Variants in CDR2L observed in about 807,000 individuals in gnomAD.
CDR2L encodes the protein cerebellar degeneration-related protein 2-like.
Under a neutral mutation model 36.1 loss-of-function variants are expected in CDR2L, and 19 were observed. That is an observed-to-expected ratio of 0.53 (90% CI 0.37 to 0.77). CDR2L has a LOEUF of 0.77. CDR2L is among the 30% of genes least tolerant of loss of function. The pLI is 0.00. For missense variants in CDR2L, 575 were observed against 627.2 expected, an observed-to-expected ratio of 0.92 and a Z score of 0.89; for synonymous variants, 285 against 280.4, an observed-to-expected ratio of 1.02 and a Z score of -0.16.
chr17:74,987,945 G>A lies in CDR2L; in HGVS notation c.-99G>A. ...CGCGGGCTCTGTAGCCCGAGTTCCCGACGCTGGAGGCCCGGCCCGCCTCAG... is the reference window on the plus strand; with the variant it reads ...CGCGGGCTCTGTAGCCCGAGTTCCCAACGCTGGAGGCCCGGCCCGCCTCAG... On this transcript the variant is annotated 5_prime_UTR_variant, in exon 1 of 5. Coordinates refer to ENST00000337231, the MANE Select transcript of CDR2L (RefSeq NM_014603.3). 3.6e-6 allele frequency: 2 copies of A among 558,184 alleles called. No homozygotes were observed. The allele number at this position is 558,184 out of a possible 1,614,324, so 34.6% of individuals were successfully genotyped here.
rs748752852 is a variant in CDR2L at position 75,003,774 on chromosome 17, G to T, written c.1098G>T (p.Lys366Asn). Residue 366 changes from lysine (K) to asparagine (N), a missense_variant, in exon 5 of 5, where the codon AAG becomes AAT. Physicochemically the swap from Lys to Asn is moderately conservative, Grantham distance 94. Coordinates refer to ENST00000337231, the MANE Select transcript of CDR2L (RefSeq NM_014603.3). ...AGCAGTACCACGCGCTGCTGGAGAA[G>T]TACGAGGAGCTGCTGAGCAAGTGCC... is the stretch of plus-strand genomic sequence containing the variant. Reference protein sequence around the residue: ...VDEQYHALLEKYEELLSKCRQ... With the variant: ...VDEQYHALLENYEELLSKCRQ... 1.3e-6 allele frequency: 2 copies of T among 1,516,616 alleles called. No individual in the cohort carries two copies. The highest frequency in any genetic ancestry group is 2.6e-5 in the South Asian group (2 of 77,844). The allele number at this position is 1,516,616 out of a possible 1,614,324, so 93.9% of individuals were successfully genotyped here. A position where few individuals can be genotyped will look rare whatever the true frequency, so the allele number is the denominator to read the frequency against.
intron 1 of CDR2L, among the ~76,000 whole-genome samples, chr17:74,992,970 C>T (rs1171425897): frequency 6.6e-6 from 1 of 152,198 alleles, no homozygotes; most frequent in Non-Finnish European, 1.5e-5. Flanking sequence ...GCTGCAGGGG[C>T]TCCATGAAGG....
At chr17:74,996,124 A>G (rs1398446297) in intron 1 of CDR2L, among the ~76,000 whole-genome samples, 1 of 151,698 alleles carries the variant, frequency 6.6e-6, no homozygotes, top group African/African-American at 2.4e-5. Flanking sequence ...ATTTTAGAAT[A>G]TTTTTATCAC....
At chr17:75,000,732 G>A (rs1275526754) in intron 2 of CDR2L, among the ~76,000 whole-genome samples, 2 of 150,864 alleles carry the variant, frequency 1.3e-5, no homozygotes, top group Non-Finnish European at 3.0e-5. Context: ...GGCTAACACG[G>A]TGAAACCCCA....
intron 1 of CDR2L, among the ~76,000 whole-genome samples, chr17:74,998,235 AC>A (rs1248856116): frequency 6.6e-6 from 1 of 152,074 alleles, no homozygotes; most frequent in Non-Finnish European, 1.5e-5. Context: ...CAAAAAAAAA[AC>A]ATTGTACTAT....
Position 75,003,423 on chromosome 17 carries a change from C to A in CDR2L, c.747C>A (p.Ala249=), listed in dbSNP as rs1432678129. Residue 249 remains alanine (A), a synonymous_variant, in exon 5 of 5, where the codon GCC becomes GCA. Coordinates refer to ENST00000337231, the MANE Select transcript of CDR2L (RefSeq NM_014603.3). ...ACRLRVQELE[A]ELLELQQMKQ... ...GCCTGCGTGTGCAGGAGCTGGAGGC[C>A]GAGCTGCTGGAGCTGCAGCAGATGA... 2 of 1,575,172 alleles carry A rather than the reference C, an allele frequency of 1.3e-6. No individual in the cohort carries two copies. Among genetic ancestry groups the A allele is most frequent in the African/African-American group, 2.7e-5 (2 of 73,924 alleles).
At chr17:74,998,176 G>A (rs946534309) in intron 1 of CDR2L, among the ~76,000 whole-genome samples, 5 of 151,970 alleles carry the variant, frequency 3.3e-5, no homozygotes, top group African/African-American at 1.2e-4. Context: ...AGTGAGCCAA[G>A]ATCGCGCCAC....
intron 1 of CDR2L, among the ~76,000 whole-genome samples, chr17:74,988,334 G>C (rs756649641): frequency 1.5e-4 from 23 of 152,160 alleles, no homozygotes; most frequent in African/African-American, 4.8e-4. Context: ...CTGCAAAAGT[G>C]GGGGGCGGGG....
intron 2 of CDR2L, 42 bp downstream of exon 2, chr17:74,999,658 C>G: frequency 7.8e-7 from 1 of 1,281,040 alleles, no homozygotes; most frequent in Non-Finnish European, 1.1e-6. Flanking sequence ...CTCGAGGGCC[C>G]CTTGGCCTGT....
At chr17:75,001,100 G>A (rs971213765) in intron 2 of CDR2L, among the ~76,000 whole-genome samples, 1 of 151,844 alleles carries the variant, frequency 6.6e-6, no homozygotes, top group Non-Finnish European at 1.5e-5. Flanking sequence ...CAGGCATGGT[G>A]GCAGGCACCT....
Position 75,005,306 on chromosome 17 carries a change from G to C in CDR2L, c.*1232G>C, listed in dbSNP as rs564837689. ...TAAGAGACACCCAGGTCCCCAGCTT[G>C]CCCTGAGCAGCCCTTCAGGGCTTCT... On this transcript the variant is annotated 3_prime_UTR_variant, in exon 5 of 5. Transcript: ENST00000337231. This position sits in a 1 kb window ranked among gnomAD's most constrained non-coding sequence, Gnocchi z 4.2. 1 of 152,718 alleles carries C rather than the reference G, an allele frequency of 6.5e-6. No homozygotes were observed. The highest frequency in any genetic ancestry group is 2.4e-5 in the African/African-American group (1 of 41,558). 9.5% of individuals were successfully genotyped at this position (152,718 alleles called of 1,614,324 possible).
chr17:74,988,713 C>G (rs1041911609), intron 1 of CDR2L, among the ~76,000 whole-genome samples: 1 of 152,172 alleles, frequency 6.6e-6, no homozygotes, highest in Non-Finnish European at 1.5e-5. Context: ...AGTCGCTTAG[C>G]CCTCCCCTGC....
chr17:75,001,518 G>A (rs750996964), intron 3 of CDR2L, 29 bp downstream of exon 3: 53 of 1,498,128 alleles, frequency 3.5e-5, no homozygotes, highest in East Asian at 2.0e-4. Flanking sequence ...GCTGGGGGGC[G>A]GGCGAGGGAG....
Position 75,002,156 on chromosome 17 carries a change from T to G in CDR2L, c.434T>G (p.Leu145Arg), listed in dbSNP as rs770704142. 2.5e-6 allele frequency: 4 copies of G among 1,607,374 alleles called. No individual in the cohort carries two copies. The East Asian group carries it at 6.7e-5, about 27-fold the overall frequency. The change falls in exon 4 of 5, where the codon CTC (leucine) becomes CGC (arginine). Residue 145 changes from leucine to arginine, a missense_variant. By Grantham distance (102) the Leu-to-Arg change is moderately radical. Transcript: ENST00000337231. The surrounding 1 kb of genome is among the most constrained non-coding windows in gnomAD (Gnocchi z 4.1). ...AGAGGCCTGGAACAGCTGCGAGTGC[T>G]CCGGGAGAAGCGGGAACGCAGGCGT... ...QLRGLEQLRV[L>R]REKRERRRTI...
intron 1 of CDR2L, among the ~76,000 whole-genome samples, chr17:74,990,336 G>A (rs962707317): frequency 3.3e-5 from 5 of 152,176 alleles, no homozygotes; most frequent in Non-Finnish European, 7.4e-5. Context: ...GAACCAGGAG[G>A]GAAAGCAGAA....
At chr17:74,993,266 A>T (rs777047358) in intron 1 of CDR2L, among the ~76,000 whole-genome samples, 14 of 151,602 alleles carry the variant, frequency 9.2e-5, no homozygotes, top group Admixed American at 3.3e-4. Context: ...AATATAGTAC[A>T]GGGCTGTAGT....
Position 74,990,153 on chromosome 17 carries a change from C to G in CDR2L, c.79+2031C>G, listed in dbSNP as rs1056097756. On this transcript the variant is annotated intron_variant, in intron 1 of 4. Coordinates refer to ENST00000337231, the MANE Select transcript of CDR2L (RefSeq NM_014603.3). ...AGCCAGGGCATAGAGGTGGGAGATG[C>G]GCAGAGATGTGCAGCTTCTTGAGAG... 2.6e-5 allele frequency among the ~76,000 whole-genome samples: 4 copies of G among 152,176 alleles called. No homozygotes were observed. In the East Asian group the frequency reaches 5.8e-4, roughly 22 times the overall value.
chr17:74,988,544 A>T lies in CDR2L; in HGVS notation c.79+422A>T, dbSNP rs918352147. On this transcript the variant is annotated intron_variant, in intron 1 of 4. Transcript: ENST00000337231. Reference sequence around the variant, plus strand: ...CTTGTGTGTAGAGGGAAGTTATCTCACGCCAAATCCAGCAGCACCCGTCCC... The same window carrying T: ...CTTGTGTGTAGAGGGAAGTTATCTCTCGCCAAATCCAGCAGCACCCGTCCC... 4.6e-5 allele frequency among the ~76,000 whole-genome samples: 7 copies of T among 152,248 alleles called. No homozygotes were observed. The South Asian group carries it at 8.3e-4, about 18-fold the overall frequency.
Position 75,001,357 on chromosome 17 carries a change from T to A in CDR2L, c.209T>A (p.Leu70Gln). 6.2e-7 allele frequency: 1 copy of A among 1,608,718 alleles called. No individual in the cohort carries two copies. The highest frequency in any genetic ancestry group is 8.5e-7 in the Non-Finnish European group (1 of 1,177,888). ...CACCCCCAGTACCTAACCAAGCAGCTGGACACGCTGCGGCACGTGAACGAG... is the reference window on the plus strand; with the variant it reads ...CACCCCCAGTACCTAACCAAGCAGCAGGACACGCTGCGGCACGTGAACGAG... ...VQEIEYLTKQ[L>Q]DTLRHVNEQH... Residue 70 changes from leucine to glutamine, a missense_variant, in exon 3 of 5, where the codon CTG becomes CAG. Leu to Gln is a moderately radical substitution (Grantham distance 113). Coordinates refer to ENST00000337231, the MANE Select transcript of CDR2L (RefSeq NM_014603.3).
Sources: allele counts gnomAD v4.1 joint callset (sites outside exome capture counted in the v4.1 genomes callset), GRCh38; gene constraint gnomAD v4.1.1; non-coding constraint Gnocchi (gnomAD v3.1); transcripts MANE v1.5; gene names NCBI Gene and HGNC (gene_info 2026-07-23, HGNC 2026-07-21).